The following MAP3K3 variants were observed in gnomAD, a reference collection of about 807,000 sequenced individuals.
MAP3K3 encodes mitogen-activated protein kinase kinase kinase 3, also known as MAP/ERK kinase kinase 3.
A neutral mutation model predicts 80.9 loss-of-function variants in MAP3K3; 12 were observed. The observed-to-expected ratio is 0.15, with a 90% CI of 0.10 to 0.24. MAP3K3 has a LOEUF of 0.24. Ranked by LOEUF, MAP3K3 falls within the 10% of genes least tolerant of loss-of-function variation. The pLI is 1.00. For missense variants in MAP3K3, 596 were observed against 834.7 expected, an observed-to-expected ratio of 0.71 and a Z score of 3.52; for synonymous variants, 272 against 307.1, an observed-to-expected ratio of 0.89 and a Z score of 1.19.
chr17:63,691,326 G>A lies in MAP3K3; in HGVS notation c.1344+93G>A. 6.4e-7 allele frequency: 1 copy of A among 1,561,892 alleles called. No individual in the cohort carries two copies. Among genetic ancestry groups the A allele is most frequent in the Admixed American group, 1.7e-5 (1 of 58,844 alleles). On this transcript the variant is annotated intron_variant, in intron 13 of 15. Transcript: ENST00000361733. This position sits in a 1 kb window ranked among gnomAD's most constrained non-coding sequence, Gnocchi z 4.8. ...AGGAGGGGGGTCACCTTGGATAGGA[G>A]TTTGAACACCTGAGGCTCCAGAGGC...
rs745762268 is a variant in MAP3K3 at position 63,646,071 on chromosome 17, G to A, written c.164G>A (p.Arg55Lys). The A allele has an allele frequency of 1.5e-5, 25 of 1,613,886 alleles. No homozygotes were observed. Among genetic ancestry groups the A allele is most frequent in the Non-Finnish European group, 1.7e-5 (20 of 1,179,888 alleles). Residue 55 changes from arginine (R) to lysine (K), a missense_variant, in exon 3 of 16, where the codon AGG (arginine) becomes AAG (lysine). Physicochemically the swap from Arg to Lys is conservative, Grantham distance 26 (BLOSUM62 2). Coordinates refer to ENST00000361733, the MANE Select transcript of MAP3K3 (RefSeq NM_002401.5). ...VRIKFEHNGE[R>K]RIIAFSRPVK... Reference sequence around the variant, plus strand: ...ATCAAGTTCGAGCACAACGGGGAGAGGCGGTAAGTCTGCCTTCTGATGAGT... The same window carrying A: ...ATCAAGTTCGAGCACAACGGGGAGAAGCGGTAAGTCTGCCTTCTGATGAGT...
At chr17:63,666,835 G>A (rs1423936414) in intron 5 of MAP3K3, 105 bp from the exon 6 acceptor site, 4 of 1,274,728 alleles carry the variant, frequency 3.1e-6, no homozygotes, top group African/African-American at 1.5e-5. Flanking sequence ...TTAAAAGCAT[G>A]AAGGTGGCTG....
In MAP3K3 at chr17:63,667,106, A is replaced by G. The variant is rs775100223; in HGVS notation, c.502+46A>G. 3.9e-6 allele frequency: 6 copies of G among 1,533,466 alleles called. No homozygotes were observed. The South Asian group carries it at 6.3e-5, about 16-fold the overall frequency. The allele number at this position is 1,533,466 out of a possible 1,614,324, so 95.0% of individuals were successfully genotyped here. Reference sequence around the variant, plus strand: ...TTCTCCCCCTCTATTTTATCTGCCCACATTTTAAAAAAGCAACAAGTATTT... The same window carrying G: ...TTCTCCCCCTCTATTTTATCTGCCCGCATTTTAAAAAAGCAACAAGTATTT... On this transcript the variant is annotated intron_variant, in intron 6 of 15. Coordinates refer to ENST00000361733, the MANE Select transcript of MAP3K3 (RefSeq NM_002401.5).
intron 5 of MAP3K3, among the ~76,000 whole-genome samples, chr17:63,660,368 T>G (rs1480282769): frequency 1.3e-5 from 2 of 150,686 alleles, no homozygotes; most frequent in East Asian, 3.9e-4. Context: ...CATGCTTGGC[T>G]TTTCTTTTTT....
rs1763432602 is a variant in MAP3K3 at position 63,644,081 on chromosome 17, TTTAA to T, written c.127-1947_127-1944del. 3.9e-5 allele frequency among the ~76,000 whole-genome samples: 6 copies of T among 152,292 alleles called. No individual in the cohort carries two copies. In the South Asian group the frequency reaches 1.0e-3, roughly 26 times the overall value. ...TAATGGTACTTGTTTTGAGGATCAG[TTTAA>T]TTAATATATGTAAACATGCTTAGAA... On this transcript the variant is annotated intron_variant, in intron 2 of 15. Coordinates refer to ENST00000361733, the MANE Select transcript of MAP3K3 (RefSeq NM_002401.5).
chr17:63,634,993 A>G (rs936252177), intron 2 of MAP3K3, among the ~76,000 whole-genome samples: 3 of 152,266 alleles, frequency 2.0e-5, no homozygotes, highest in South Asian at 2.1e-4. Context: ...AGCCTCTATC[A>G]GTGCTGTCCA....
chr17:63,687,863 G>A (rs144186765), intron 8 of MAP3K3, among the ~76,000 whole-genome samples: 9 of 151,800 alleles, frequency 5.9e-5, no homozygotes, highest in African/African-American at 1.5e-4. Context: ...GCTTGAACCC[G>A]CGAGGTAGAG....
At position 63,691,070 on chromosome 17, in the gene MAP3K3, A is replaced by G. The variant is rs764750328; in HGVS notation, c.1213-32A>G. 8.1e-6 allele frequency: 13 copies of G among 1,612,884 alleles called. No individual in the cohort carries two copies. Among genetic ancestry groups the G allele is most frequent in the Non-Finnish European group, 1.1e-5 (13 of 1,179,520 alleles). ...CCAGGCGGGCAGAACTAGGGCCCTG[A>G]GAGCTGAGGCGACCACTGACCCCTC... On this transcript the variant is annotated intron_variant, in intron 12 of 15. Coordinates refer to ENST00000361733, the MANE Select transcript of MAP3K3 (RefSeq NM_002401.5). The surrounding 1 kb of genome is among the most constrained non-coding windows in gnomAD (Gnocchi z 4.8).
At chr17:63,641,423 A>T (rs1296519248) in intron 2 of MAP3K3, among the ~76,000 whole-genome samples, 1 of 151,960 alleles carries the variant, frequency 6.6e-6, no homozygotes, top group East Asian at 1.9e-4. Flanking sequence ...TTGTATGTTT[A>T]GTAGAGACGG....
chr17:63,689,803 G>C lies in MAP3K3; in HGVS notation c.1063+68G>C. ...CTCAGACAAGCTACGGGGGCAAACA[G>C]CTGGGCCCCTGGGACCCTTAGGCTC... On this transcript the variant is annotated intron_variant, in intron 11 of 15. Coordinates refer to ENST00000361733, the MANE Select transcript of MAP3K3 (RefSeq NM_002401.5). The surrounding 1 kb of genome is among the most constrained non-coding windows in gnomAD (Gnocchi z 4.3). 6.8e-7 allele frequency: 1 copy of C among 1,474,238 alleles called. No individual in the cohort carries two copies. The highest frequency in any genetic ancestry group is 9.2e-7 in the Non-Finnish European group (1 of 1,090,416). The allele number at this position is 1,474,238 out of a possible 1,614,324, so 91.3% of individuals were successfully genotyped here. A position where few individuals can be genotyped will look rare whatever the true frequency, so the allele number is the denominator to read the frequency against.
At chr17:63,661,254 C>T (rs1041144084) in intron 5 of MAP3K3, among the ~76,000 whole-genome samples, 3 of 152,238 alleles carry the variant, frequency 2.0e-5, no homozygotes, top group African/African-American at 7.2e-5. Flanking sequence ...GCACTGTTGG[C>T]GAGGCTAGTC....
chr17:63,655,759 T>C lies in MAP3K3; in HGVS notation c.268-2035T>C, dbSNP rs1368390126. ...GCCTCCCGCCACAGCCTCCTAGGATTACAGGTGTGAGCCACTATCCCCAGC... is the reference window on the plus strand; with the variant it reads ...GCCTCCCGCCACAGCCTCCTAGGATCACAGGTGTGAGCCACTATCCCCAGC... On this transcript the variant is annotated intron_variant, in intron 4 of 15. Transcript: ENST00000361733. Among the ~76,000 whole-genome samples, 10 of 152,246 alleles carry C rather than the reference T, an allele frequency of 6.6e-5. No homozygotes were observed. In the East Asian group the frequency reaches 1.9e-3, roughly 29 times the overall value.
intron 6 of MAP3K3, among the ~76,000 whole-genome samples, chr17:63,674,096 G>T (rs62077478): frequency 6.6e-6 from 1 of 151,272 alleles, no homozygotes; most frequent in African/African-American, 2.4e-5. Flanking sequence ...AAAAAAAAAG[G>T]ACTTGTCCCT....
At chr17:63,646,444 A>G (rs181276628) in intron 3 of MAP3K3, among the ~76,000 whole-genome samples, 2 of 152,302 alleles carry the variant, frequency 1.3e-5, no homozygotes, top group African/African-American at 4.8e-5. Flanking sequence ...CTCCTGTGAT[A>G]TGGTGCCATT....
Position 63,624,648 on chromosome 17 carries a change from C to T in MAP3K3, c.4+1885C>T, listed in dbSNP as rs561875137. On this transcript the variant is annotated intron_variant, in intron 1 of 15. Transcript: ENST00000361733. The stretch of plus-strand genomic sequence containing the variant: ...GTCCCCACATCAGTTGTCCTCCTGT[C>T]AGTTTTACGTGAAGACACATGTAAA... Among the ~76,000 whole-genome samples the T allele has an allele frequency of 3.9e-5, 6 of 152,330 alleles. No individual in the cohort carries two copies. The South Asian group carries it at 1.0e-3, about 26-fold the overall frequency.
At chr17:63,675,698 G>A (rs538478693) in intron 6 of MAP3K3, among the ~76,000 whole-genome samples, 16 of 152,198 alleles carry the variant, frequency 1.1e-4, no homozygotes, top group Admixed American at 9.2e-4. Context: ...CTGAACAGTG[G>A]AACTGCTACT....
rs2035524615 is a variant in MAP3K3 at position 63,689,045 on chromosome 17, A to G, written c.871+164A>G. The G allele has an allele frequency of 6.5e-6, 4 of 612,990 alleles. No homozygotes were observed. In the Admixed American group the frequency reaches 8.7e-5, roughly 13 times the overall value. The allele number at this position is 612,990 out of a possible 1,614,324, so 38.0% of individuals were successfully genotyped here. ...ACAGGAAAAAAACAAAAACAAAAAC[A>G]GGGAAGATAGTATTTGTAGACCAGA... is the stretch of plus-strand genomic sequence containing the variant. On this transcript the variant is annotated intron_variant, in intron 10 of 15. Coordinates refer to ENST00000361733, the MANE Select transcript of MAP3K3 (RefSeq NM_002401.5). The surrounding 1 kb of genome is among the most constrained non-coding windows in gnomAD (Gnocchi z 4.3).
chr17:63,656,700 C>T (rs984825562), intron 4 of MAP3K3, among the ~76,000 whole-genome samples: 1 of 152,148 alleles, frequency 6.6e-6, no homozygotes, highest in Non-Finnish European at 1.5e-5. Context: ...ACCAAGTATT[C>T]ATAACATGCT....
intron 1 of MAP3K3, among the ~76,000 whole-genome samples, chr17:63,629,331 G>A (rs1375042635): frequency 6.6e-6 from 1 of 152,086 alleles, no homozygotes; most frequent in African/African-American, 2.4e-5. Flanking sequence ...CACCATGTTG[G>A]CCAGGCTGGT....
Sources: allele counts gnomAD v4.1 joint callset (sites outside exome capture counted in the v4.1 genomes callset), GRCh38; gene constraint gnomAD v4.1.1; non-coding constraint Gnocchi (gnomAD v3.1); transcripts MANE v1.5; gene names NCBI Gene and HGNC (gene_info 2026-07-23, HGNC 2026-07-21).